ADD1: variants seen among roughly 807,000 people sequenced by gnomAD.
The protein encoded by ADD1 is alpha-adducin.
In ADD1, 24 loss-of-function variants were observed where a neutral mutation model predicts 80.5. That is an observed-to-expected ratio of 0.30 (90% CI 0.22 to 0.42). ADD1 has a LOEUF of 0.42. Ranked by LOEUF, ADD1 falls within the 10% of genes least tolerant of loss-of-function variation. The pLI is 1.00. For synonymous variants in ADD1, 373 were observed against 393.8 expected, an observed-to-expected ratio of 0.95 and a Z score of 0.63; for missense variants, 948 against 1,019.0, an observed-to-expected ratio of 0.93 and a Z score of 0.95.
At chr4:2,844,159 G>A (rs1042664497) in intron 1 of ADD1, 135 bp downstream of exon 1, 20 of 147,942 alleles carry the variant, frequency 1.4e-4, no homozygotes, top group African/African-American at 3.8e-4. Context: ...CGGGGGCGGG[G>A]AGGCCGCTGC....
At chr4:2,855,388 G>A (rs977018373) in intron 1 of ADD1, among the ~76,000 whole-genome samples, 1 of 151,412 alleles carries the variant, frequency 6.6e-6, no homozygotes, top group African/African-American at 2.4e-5. Flanking sequence ...TTCTCCCCAT[G>A]CTTGCCTTTT....
intron 2 of ADD1, among the ~76,000 whole-genome samples, chr4:2,877,251 G>A (rs1273783435): frequency 3.3e-5 from 5 of 151,828 alleles, no homozygotes; most frequent in African/African-American, 9.7e-5. Context: ...TTCTTACTGT[G>A]CCCCTTCATA....
intron 14 of ADD1, among the ~76,000 whole-genome samples, chr4:2,918,517 C>T (rs931676370): frequency 2.6e-5 from 4 of 152,136 alleles, no homozygotes; most frequent in Middle Eastern, 6.3e-3. Context: ...TTTTCTCTTG[C>T]CTGATTGCCG....
chr4:2,918,777 G>A (rs930527907), intron 14 of ADD1, among the ~76,000 whole-genome samples: 6 of 151,604 alleles, frequency 4.0e-5, no homozygotes, highest in Admixed American at 2.6e-4. Flanking sequence ...ATAATCATGT[G>A]GTTTTTGTCA....
intron 14 of ADD1, among the ~76,000 whole-genome samples, chr4:2,920,250 C>G (rs1739772050): frequency 6.6e-6 from 1 of 152,090 alleles, no homozygotes; most frequent in African/African-American, 2.4e-5. Flanking sequence ...GTTTTACTTC[C>G]AATTAGGTGG....
chr4:2,893,959 G>C lies in ADD1; in HGVS notation c.511-54G>C, dbSNP rs1734732777. On this transcript the variant is annotated intron_variant, in intron 4 of 15. Transcript: ENST00000683351. ...ACCCGTGAATTTGTAGCCTGAAAGA[G>C]ATGCAAATAATTTCACTTGGATCTT... is the stretch of plus-strand genomic sequence containing the variant. The C allele has an allele frequency of 4.7e-6, 7 of 1,503,104 alleles. No individual in the cohort carries two copies. In the Admixed American group the frequency reaches 6.7e-5, roughly 14 times the overall value. The allele number at this position is 1,503,104 out of a possible 1,614,324, so 93.1% of individuals were successfully genotyped here. A position where few individuals can be genotyped will look rare whatever the true frequency, so the allele number is the denominator to read the frequency against.
At position 2,909,214 on chromosome 4, in the gene ADD1, A is replaced by G. The variant is rs1737582781; in HGVS notation, c.1699-125A>G. ...AGTGTCTGCACGTCCTGCCATCATC[A>G]CTGCCACACTTACTGTTGACAGCTG... is the stretch of plus-strand genomic sequence containing the variant. On this transcript the variant is annotated intron_variant, in intron 12 of 15. Coordinates refer to ENST00000683351, the MANE Select transcript of ADD1 (RefSeq NM_001354761.2). 6.5e-6 allele frequency: 5 copies of G among 774,812 alleles called. No individual in the cohort carries two copies. In the South Asian group the frequency reaches 8.3e-5, roughly 13 times the overall value. The allele number at this position is 774,812 out of a possible 1,614,324, so 48.0% of individuals were successfully genotyped here. A position where few individuals can be genotyped will look rare whatever the true frequency, so the allele number is the denominator to read the frequency against.
At chr4:2,902,230 G>C (rs1320717979) in intron 9 of ADD1, 9 of 152,202 alleles carry the variant, frequency 5.9e-5, no homozygotes, top group Non-Finnish European at 5.9e-5. Flanking sequence ...AGATTACTGA[G>C]TTCTGGCTCT....
intron 2 of ADD1, among the ~76,000 whole-genome samples, chr4:2,878,951 G>A (rs2108910360): frequency 6.6e-6 from 1 of 152,266 alleles, no homozygotes; most frequent in Admixed American, 6.5e-5. Context: ...CTAGGAGGGG[G>A]TGGTTGCAGG....
rs551603846 is a variant in ADD1 at position 2,905,615 on chromosome 4, C to T, written c.1506+507C>T. 27 of 162,530 alleles carry T rather than the reference C, an allele frequency of 1.7e-4. No individual in the cohort carries two copies. The South Asian group carries it at 4.3e-3, about 26-fold the overall frequency. 10.1% of individuals were successfully genotyped at this position (162,530 alleles called of 1,614,324 possible). ...GTCCCCTGCCCTTAGTGTTATTCCC[C>T]TGCTTTCTATCCCAAAGCCTCCGAA... On this transcript the variant is annotated intron_variant, in intron 10 of 15. Coordinates refer to ENST00000683351, the MANE Select transcript of ADD1 (RefSeq NM_001354761.2).
At position 2,848,766 on chromosome 4, in the gene ADD1, T is replaced by C. The variant is rs530243107; in HGVS notation, c.-21+4742T>C. On this transcript the variant is annotated intron_variant, in intron 1 of 15. Coordinates refer to ENST00000683351, the MANE Select transcript of ADD1 (RefSeq NM_001354761.2). ...TGCTAGGATAACAGGCATGAGTCAC[T>C]GCACCTGACCTGTTTCCAGGTTTTT... 2.0e-5 allele frequency among the ~76,000 whole-genome samples: 3 copies of C among 152,292 alleles called. No homozygotes were observed. In the East Asian group the frequency reaches 5.8e-4, roughly 29 times the overall value.
In ADD1 at chr4:2,907,759, G is replaced by T. The variant is rs1294979810; in HGVS notation, c.1523G>T (p.Gly508Val). Residue 508 changes from glycine (G) to valine (V), a missense_variant, in exon 11 of 16, where the codon GGA (glycine) becomes GTA (valine). Transcript: ENST00000683351. ...ITNCLWTKEDGHRTSTSAVPN... is the reference protein window; with the variant it reads ...ITNCLWTKEDVHRTSTSAVPN... ...ATATTACAGTGGACTAAAGAGGATG[G>T]ACATAGAACTTCCACCTCTGCTGTC... is the stretch of plus-strand genomic sequence containing the variant. 6.2e-7 allele frequency: 1 copy of T among 1,613,988 alleles called. No individual in the cohort carries two copies. The highest frequency in any genetic ancestry group is 2.2e-5 in the East Asian group (1 of 44,876).
chr4:2,887,471 A>T (rs1733575239), intron 4 of ADD1: 1 of 149,814 alleles, frequency 6.7e-6, no homozygotes, highest in South Asian at 2.1e-4. Context: ...GGAGGGGGAC[A>T]AGACGGGGTG....
intron 4 of ADD1, chr4:2,887,512 C>T (rs182067595): frequency 6.6e-6 from 1 of 152,252 alleles, no homozygotes; most frequent in East Asian, 1.9e-4. Flanking sequence ...TGGGCTTCCT[C>T]TCTCGGTGGC....
intron 1 of ADD1, among the ~76,000 whole-genome samples, chr4:2,865,280 A>G (rs1282941733): frequency 6.6e-6 from 1 of 152,144 alleles, no homozygotes; most frequent in Non-Finnish European, 1.5e-5. Context: ...TCAAGTCTCC[A>G]TCAGCTGACA....
rs767684899 is a variant in ADD1, at chr4:2,921,682, G to T, written c.1949-4332G>T. ...ATTTCGTGAATTTGAATGTTGGCCT[G>T]TCTTGCTAGGTTGGGGAAGTTCTCC... On this transcript the variant is annotated intron_variant, in intron 14 of 15. Coordinates refer to ENST00000683351, the MANE Select transcript of ADD1 (RefSeq NM_001354761.2). 1.1e-3 allele frequency among the ~76,000 whole-genome samples: 173 copies of T among 152,120 alleles called. 2 individuals carry two copies. Among genetic ancestry groups the T allele is most frequent in the African/African-American group, 6.8e-4 (28 of 41,424 alleles).
At chr4:2,850,169 A>C (rs949453945) in intron 1 of ADD1, among the ~76,000 whole-genome samples, 1 of 152,256 alleles carries the variant, frequency 6.6e-6, no homozygotes, top group Non-Finnish European at 1.5e-5. Flanking sequence ...TACAACATGG[A>C]TGAACTCTGA....
rs142078570 is a variant in ADD1, at chr4:2,860,062, T to C, written c.-20-15834T>C. ...GAGTTTTCTATACTGATGTGTCTGG[T>C]CAACCTGTGCTTCCTGACTTAGCTG... is the stretch of plus-strand genomic sequence containing the variant. On this transcript the variant is annotated intron_variant, in intron 1 of 15. Coordinates refer to ENST00000683351, the MANE Select transcript of ADD1 (RefSeq NM_001354761.2). 9.9e-4 allele frequency among the ~76,000 whole-genome samples: 151 copies of C among 152,284 alleles called. 1 individual carries two copies. The highest frequency in any genetic ancestry group is 3.5e-3 in the Admixed American group (54 of 15,294).
rs202099133 is a variant in ADD1 at position 2,852,542 on chromosome 4, G to GT, written c.-21+8525dup. Among the ~76,000 whole-genome samples the GT allele has an allele frequency of 6.8e-3, 1,029 of 151,348 alleles. 9 individuals are homozygous for GT. The highest frequency in any genetic ancestry group is 0.022 in the African/African-American group (921 of 41,212). On this transcript the variant is annotated intron_variant, in intron 1 of 15. Coordinates refer to ENST00000683351, the MANE Select transcript of ADD1 (RefSeq NM_001354761.2). ...GGGGTTTCGCAGATACTCCATTTCA[G>GT]TTTTTTTCTGAGCAACGTCTCCAGG...
Sources: allele counts gnomAD v4.1 joint callset (sites outside exome capture counted in the v4.1 genomes callset), GRCh38; gene constraint gnomAD v4.1.1; transcripts MANE v1.5; gene names NCBI Gene and HGNC (gene_info 2026-07-23, HGNC 2026-07-21).